SCN4A: variants seen among roughly 807,000 people sequenced by gnomAD.
The protein encoded by SCN4A is sodium voltage-gated channel alpha subunit 4.
Under a neutral mutation model 162.0 loss-of-function variants are expected in SCN4A, and 83 were observed. That is an observed-to-expected ratio of 0.51 (90% CI 0.43 to 0.61). The LOEUF (loss-of-function observed/expected upper bound fraction) is 0.61. Among genes scored for constraint, SCN4A ranks in the 20% least tolerant of loss-of-function variants. The probability of loss-of-function intolerance (pLI) is 0.00; values close to 1 mark genes in which losing one functional copy is unlikely to be tolerated. For missense variants in SCN4A, 2,196 were observed against 2,462.5 expected (o/e 0.89, Z 2.29); for synonymous variants, 944 against 985.1 (o/e 0.96, Z 0.78).
intron 8 of SCN4A, among the ~76,000 whole-genome samples, chr17:63,965,766 C>T (rs1363758960): frequency 3.9e-5 from 6 of 152,202 alleles, no homozygotes; most frequent in Non-Finnish European, 8.8e-5. Flanking sequence ...GGATTTCAGG[C>T]GTGAGCCACC....
chr17:63,940,815 G>T lies in SCN4A; in HGVS notation c.5467C>A (p.Pro1823Thr), dbSNP rs963907287. 7 of 1,603,236 alleles carry T rather than the reference G, an allele frequency of 4.4e-6. No individual in the cohort carries two copies. The Admixed American group carries it at 1.0e-4, about 23-fold the overall frequency. The change falls in exon 24 of 24, where the codon CCA becomes ACA. Residue 1823 changes from proline to threonine, a missense_variant. Physicochemically the swap from Pro to Thr is conservative, Grantham distance 38 (BLOSUM62 -1). Transcript: ENST00000435607. ...ACACCTGGGCGCACAGTCTGCCCTG[G>T]GGGAGGGGCGGGAGGCCAGGCAGTG... Reference protein sequence around the residue: ...SDTAWPPAPPPGQTVRPGVKE... With the variant: ...SDTAWPPAPPTGQTVRPGVKE...
At chr17:63,966,058 GGGA>G (rs1250976516) in intron 8 of SCN4A, 41 bp downstream of exon 8, 2 of 1,459,688 alleles carry the variant, frequency 1.4e-6, no homozygotes, top group Non-Finnish European at 1.9e-6. Context: ...GGGATGGAGG[GGGA>G]GTGGCTGTAG....
At chr17:63,948,514 A>G in intron 16 of SCN4A, 97 bp downstream of exon 16, 1 of 1,091,476 alleles carries the variant, frequency 9.2e-7, no homozygotes, top group Non-Finnish European at 1.3e-6. Flanking sequence ...GACTGACCAG[A>G]GCATGGCCCT....
Position 63,949,380 on chromosome 17 carries a change from G to A in SCN4A, c.2989+13C>T, listed in dbSNP as rs757229221. 1.9e-6 allele frequency: 3 copies of A among 1,563,026 alleles called. No homozygotes were observed. Among genetic ancestry groups the A allele is most frequent in the South Asian group, 2.3e-5 (2 of 85,596 alleles). On this transcript the variant is annotated intron_variant, in intron 15 of 23. Transcript: ENST00000435607. The stretch of plus-strand genomic sequence containing the variant: ...TGGGGGAGACACCCAGATGAGGTGA[G>A]GGGTGCCCTCACCCTCAGTGAAGCA...
chr17:63,942,622 A>T (rs1908578065), intron 23 of SCN4A, among the ~76,000 whole-genome samples: 1 of 152,186 alleles, frequency 6.6e-6, no homozygotes, highest in Non-Finnish European at 1.5e-5. Context: ...GTGTGTCCTG[A>T]GGTGCATCCA....
Position 63,961,292 on chromosome 17 carries a change from C to T in SCN4A, c.1746G>A (p.Leu582=), listed in dbSNP as rs1207346872. The T allele has an allele frequency of 4.3e-6, 7 of 1,613,570 alleles. No individual in the cohort carries two copies. The highest frequency in any genetic ancestry group is 1.7e-6 in the Non-Finnish European group (2 of 1,179,800). Residue 582 remains leucine, a synonymous_variant, in exon 11 of 24, where the codon CTG becomes CTA. Coordinates refer to ENST00000435607, the MANE Select transcript of SCN4A (RefSeq NM_000334.4). ...HLIVMDPFVD[L]GITICIVLNT... ...TGAGCACGATGCAGATGGTGATGCC[C>T]AGGTCCACGAACGGGTCCATGACGA... is the stretch of plus-strand genomic sequence containing the variant.
Position 63,945,144 on chromosome 17 carries a change from G to A in SCN4A, c.3721-84C>T, listed in dbSNP as rs1908672098. On this transcript the variant is annotated intron_variant, in intron 19 of 23. Coordinates refer to ENST00000435607, the MANE Select transcript of SCN4A (RefSeq NM_000334.4). The surrounding 1 kb of genome is among the most constrained non-coding windows in gnomAD (Gnocchi z 4.4). ...GAGTTTCCCTCCCCCACCCAACCTGGTCCTCCCCTGCCAGAGGCCGCCTGC... is the reference window on the plus strand; with the variant it reads ...GAGTTTCCCTCCCCCACCCAACCTGATCCTCCCCTGCCAGAGGCCGCCTGC... 1 of 1,427,400 alleles carries A rather than the reference G, an allele frequency of 7.0e-7. No individual in the cohort carries two copies. Among genetic ancestry groups the A allele is most frequent in the Non-Finnish European group, 9.8e-7 (1 of 1,024,050 alleles). The allele number at this position is 1,427,400 out of a possible 1,614,324, so 88.4% of individuals were successfully genotyped here. A position where few individuals can be genotyped will look rare whatever the true frequency, so the allele number is the denominator to read the frequency against.
intron 22 of SCN4A, among the ~76,000 whole-genome samples, 177 bp downstream of exon 22, chr17:63,943,569 C>A (rs1908615540): frequency 1.3e-5 from 2 of 152,090 alleles, no homozygotes; most frequent in South Asian, 4.1e-4. Context: ...GTCTCTGTGG[C>A]ACTACAAAGA....
intron 5 of SCN4A, among the ~76,000 whole-genome samples, chr17:63,970,840 GC>G (rs1478410090): frequency 6.6e-6 from 1 of 152,020 alleles, no homozygotes; most frequent in East Asian, 1.9e-4. Flanking sequence ...TGTCTTGTTG[GC>G]CAGGCTGGTC....
chr17:63,957,174 G>GATGACC lies in SCN4A; in HGVS notation c.2358_2363dup (p.Met786_Val787dup), dbSNP rs1909093793. 6.4e-7 allele frequency: 1 copy of GATGACC among 1,572,726 alleles called. No individual in the cohort carries two copies. The highest frequency in any genetic ancestry group is 8.7e-7 in the Non-Finnish European group (1 of 1,154,088). Reference sequence around the variant, plus strand: ...CAGCCTCACTCACCACAAGATTGCCGATGACCATGACCATGAGGAAGACGG... The same window carrying GATGACC: ...CAGCCTCACTCACCACAAGATTGCCGATGACCATGACCATGACCATGAGGAAGACGG... On this transcript the variant is annotated inframe_insertion, in exon 13 of 24. Coordinates refer to ENST00000435607, the MANE Select transcript of SCN4A (RefSeq NM_000334.4).
chr17:63,951,690 C>A lies in SCN4A; in HGVS notation c.2587G>T (p.Gly863Trp). ...CCCGCCTCTCCAGCCTCCCCGGCCCCGTCAGCCTCCCCGAGGCTGAGCATG... is the reference window on the plus strand; with the variant it reads ...CCCGCCTCTCCAGCCTCCCCGGCCCAGTCAGCCTCCCCGAGGCTGAGCATG... The part of the protein sequence containing the change: ...DIMLSLGEAD[G>W]AGEAGEAGET... Residue 863 changes from glycine (G) to tryptophan (W), a missense_variant, in exon 14 of 24, where the codon GGG (glycine) becomes TGG (tryptophan). Transcript: ENST00000435607. This position sits in a 1 kb window ranked among gnomAD's most constrained non-coding sequence, Gnocchi z 4.5. 6.2e-7 allele frequency: 1 copy of A among 1,602,068 alleles called. No homozygotes were observed. The highest frequency in any genetic ancestry group is 8.5e-7 in the Non-Finnish European group (1 of 1,174,080).
chr17:63,945,440 G>T lies in SCN4A; in HGVS notation c.3640C>A (p.His1214Asn), dbSNP rs1908684246. The T allele has an allele frequency of 6.2e-7, 1 of 1,613,994 alleles. No homozygotes were observed. The highest frequency in any genetic ancestry group is 1.3e-5 in the African/African-American group (1 of 75,052). The change falls in exon 19 of 24, where the codon CAC becomes AAC. Residue 1214 changes from histidine to asparagine, a missense_variant. His to Asn is a moderately conservative substitution (Grantham distance 68). Coordinates refer to ENST00000435607, the MANE Select transcript of SCN4A (RefSeq NM_000334.4). This position sits in a 1 kb window ranked among gnomAD's most constrained non-coding sequence, Gnocchi z 4.4. ...NNKSECESLMHTGQVRWLNVK... is the reference protein window; with the variant it reads ...NNKSECESLMNTGQVRWLNVK... The stretch of plus-strand genomic sequence containing the variant: ...TTGAGCCAGCGGACCTGGCCTGTGT[G>T]CATGAGGCTCTCGCACTCAGACTTG...
chr17:63,953,515 T>C (rs1908977986), intron 13 of SCN4A, among the ~76,000 whole-genome samples: 1 of 150,822 alleles, frequency 6.6e-6, no homozygotes, highest in Non-Finnish European at 1.5e-5. Flanking sequence ...GGTGAAACCA[T>C]GTACTAAAAA....
rs1043090589 is a variant in SCN4A, at chr17:63,944,927, C to T, written c.3774+80G>A. On this transcript the variant is annotated intron_variant, in intron 20 of 23. Coordinates refer to ENST00000435607, the MANE Select transcript of SCN4A (RefSeq NM_000334.4). This position sits in a 1 kb window ranked among gnomAD's most constrained non-coding sequence, Gnocchi z 4.3. ...GGGCTGCCAAGTCTCGGGGACAGAA[C>T]GTGCTGCCAAGTCTCCCTCCTGTCT... 30 of 1,588,740 alleles carry T rather than the reference C, an allele frequency of 1.9e-5. No individual in the cohort carries two copies. The highest frequency in any genetic ancestry group is 1.6e-4 in the African/African-American group (12 of 74,296).
In SCN4A at chr17:63,940,847, G is replaced by T. The variant is rs1290985727; in HGVS notation, c.5435C>A (p.Pro1812His). ...GGCGGGAGGCCAGGCAGTGTCTGAG[G>T]GGCTGATGGGCATCAGCCCCATAGT... is the stretch of plus-strand genomic sequence containing the variant. ...GPTMGLMPIS[P>H]SDTAWPPAPP... Residue 1812 changes from proline (P) to histidine (H), a missense_variant, in exon 24 of 24, where the codon CCC becomes CAC. Transcript: ENST00000435607. 2.5e-6 allele frequency: 4 copies of T among 1,612,252 alleles called. No homozygotes were observed. Among genetic ancestry groups the T allele is most frequent in the Non-Finnish European group, 3.4e-6 (4 of 1,178,998 alleles).
In SCN4A at chr17:63,944,669, T is replaced by C. The variant is rs2144778332; in HGVS notation, c.3912+4A>G. 11 of 1,599,854 alleles carry C rather than the reference T, an allele frequency of 6.9e-6. No homozygotes were observed. The highest frequency in any genetic ancestry group is 9.4e-6 in the Non-Finnish European group (11 of 1,173,070). ...AGGGCCCGAGGGGCTGGGCTGATACTCATCTTCTTCTTCTGCTGGTTGAAG... is the reference window on the plus strand; with the variant it reads ...AGGGCCCGAGGGGCTGGGCTGATACCCATCTTCTTCTTCTGCTGGTTGAAG... On this transcript the variant is annotated splice_donor_region_variant and intron_variant, in intron 21 of 23. Coordinates refer to ENST00000435607, the MANE Select transcript of SCN4A (RefSeq NM_000334.4). The surrounding 1 kb of genome is among the most constrained non-coding windows in gnomAD (Gnocchi z 4.3).
chr17:63,943,800 G>A lies in SCN4A; in HGVS notation c.3963C>T (p.Asn1321=), dbSNP rs747602881. The A allele has an allele frequency of 3.1e-5, 50 of 1,613,376 alleles. No homozygotes were observed. Among genetic ancestry groups the A allele is most frequent in the Non-Finnish European group, 4.2e-5 (50 of 1,179,486 alleles). The change falls in exon 22 of 24, where the codon AAC becomes AAT. Residue 1321 remains asparagine (N), a synonymous_variant. Coordinates refer to ENST00000435607, the MANE Select transcript of SCN4A (RefSeq NM_000334.4). The part of the protein sequence containing the change: ...FMTEEQKKYY[N]AMKKLGSKKP... The stretch of plus-strand genomic sequence containing the variant: ...TCTTGGAGCCAAGCTTCTTCATGGC[G>A]TTATAGTATTTCTTCTGTTCCTCCG...
At chr17:63,949,928 C>T (rs1187990387) in intron 14 of SCN4A, among the ~76,000 whole-genome samples, 1 of 152,122 alleles carries the variant, frequency 6.6e-6, no homozygotes, top group Admixed American at 6.5e-5. Flanking sequence ...TATCACAGCC[C>T]TCAGAACATG....
intron 10 of SCN4A, among the ~76,000 whole-genome samples, chr17:63,962,630 C>T (rs567153966): frequency 1.3e-5 from 2 of 152,302 alleles, no homozygotes; most frequent in Non-Finnish European, 2.9e-5. Context: ...TGGGTGGCAG[C>T]CCCATGGAGA....
Sources: allele counts gnomAD v4.1 joint callset (sites outside exome capture counted in the v4.1 genomes callset), GRCh38; gene constraint gnomAD v4.1.1; non-coding constraint Gnocchi (gnomAD v3.1); transcripts MANE v1.5; gene names NCBI Gene and HGNC (gene_info 2026-07-23, HGNC 2026-07-21).